NTN1: variants seen among roughly 807,000 people sequenced by gnomAD.
The protein encoded by NTN1 is netrin-1.
NTN1 carries 11 observed loss-of-function variants against 54.2 expected under a neutral mutation model. That is an observed-to-expected ratio of 0.20 (90% confidence interval 0.13 to 0.34). The LOEUF (loss-of-function observed/expected upper bound fraction) is 0.34. Ranked by LOEUF, NTN1 falls within the 10% of genes least tolerant of loss-of-function variation. NTN1 has a pLI of 1.00. For synonymous variants in NTN1, 371 were observed against 382.0 expected (o/e 0.97, Z 0.33); for missense variants, 740 against 893.1 (o/e 0.83, Z 2.18).
chr17:9,016,920 G>A (rs1340530005), upstream of NTN1, among the ~76,000 whole-genome samples: 1 of 152,094 alleles, frequency 6.6e-6, no homozygotes, highest in Non-Finnish European at 1.5e-5. Context: ...ACTTCAATAG[G>A]CCCTTTAATT....
At chr17:9,195,826 G>T (rs1292706152) in intron 5 of NTN1, among the ~76,000 whole-genome samples, 1 of 152,168 alleles carries the variant, frequency 6.6e-6, no homozygotes, top group Non-Finnish European at 1.5e-5. Context: ...GACCCACAGT[G>T]GTCCCTCTAA....
intron 2 of NTN1, among the ~76,000 whole-genome samples, chr17:9,030,169 T>G (rs1310353969): frequency 6.6e-6 from 1 of 152,112 alleles, no homozygotes; most frequent in East Asian, 1.9e-4. Context: ...CAGACCCTTT[T>G]CTTTTTCTCC....
chr17:9,066,931 G>C (rs538035074), intron 2 of NTN1, among the ~76,000 whole-genome samples: 20 of 150,566 alleles, frequency 1.3e-4, no homozygotes, highest in Admixed American at 1.3e-3. Context: ...AACCCAGGAG[G>C]TGGAGGTTGC....
chr17:9,091,451 C>T (rs867845062), intron 2 of NTN1, among the ~76,000 whole-genome samples: 13 of 123,070 alleles, frequency 1.1e-4, no homozygotes, highest in Middle Eastern at 4.4e-3. Flanking sequence ...TTTAACCCCC[C>T]GCCTTTTTTT....
At chr17:9,137,743 G>A (rs537192227) in intron 2 of NTN1, among the ~76,000 whole-genome samples, 11 of 151,992 alleles carry the variant, frequency 7.2e-5, no homozygotes, top group Middle Eastern at 3.4e-3. Context: ...TCAGTGAGCC[G>A]AGATCGCGCC....
chr17:9,036,061 A>C (rs866226539), intron 2 of NTN1, among the ~76,000 whole-genome samples: 1 of 152,076 alleles, frequency 6.6e-6, no homozygotes. Flanking sequence ...GGGTCTCACT[A>C]TGTTACCCAG....
rs2092414071 is a variant in NTN1 at position 9,180,039 on chromosome 17, A to T, written c.1357+83A>T. 4.8e-6 allele frequency: 7 copies of T among 1,460,710 alleles called. No individual in the cohort carries two copies. The East Asian group carries it at 1.7e-4, about 36-fold the overall frequency. 90.5% of individuals were successfully genotyped at this position (1,460,710 alleles called of 1,614,324 possible). A position where few individuals can be genotyped will look rare whatever the true frequency, so the allele number is the denominator to read the frequency against. ...TTGAGGATGCTAGTCACTGATGTTC[A>T]GTGGGTTCCTTTTTTGGTTGGTTGA... On this transcript the variant is annotated intron_variant, in intron 4 of 6. Coordinates refer to ENST00000173229, the MANE Select transcript of NTN1 (RefSeq NM_004822.3).
At chr17:9,238,708 A>G (rs1003969803) in intron 6 of NTN1, among the ~76,000 whole-genome samples, 2 of 152,218 alleles carry the variant, frequency 1.3e-5, no homozygotes, top group African/African-American at 2.4e-5. Flanking sequence ...GTATTTCACA[A>G]ACTTACTAGA....
At chr17:9,182,195 T>C (rs1036936615) in intron 4 of NTN1, among the ~76,000 whole-genome samples, 2 of 149,602 alleles carry the variant, frequency 1.3e-5, no homozygotes, top group African/African-American at 4.9e-5. Flanking sequence ...GCCAGGCTGG[T>C]TGCAAACTCC....
chr17:9,147,626 T>C (rs1174407722), intron 2 of NTN1, among the ~76,000 whole-genome samples: 4 of 152,098 alleles, frequency 2.6e-5, no homozygotes, highest in Admixed American at 6.6e-5. Flanking sequence ...TCTCGATCAG[T>C]CTAGTTCCAC....
intron 2 of NTN1, among the ~76,000 whole-genome samples, chr17:9,067,233 C>T (rs951287101): frequency 6.7e-6 from 1 of 149,974 alleles, no homozygotes; most frequent in South Asian, 2.1e-4. Flanking sequence ...TGCCACTGTA[C>T]TCCAGCCTGG....
At chr17:9,164,626 C>T (rs1372907187) in intron 3 of NTN1, among the ~76,000 whole-genome samples, 1 of 152,116 alleles carries the variant, frequency 6.6e-6, no homozygotes, top group African/African-American at 2.4e-5. Context: ...AAACAGGTTC[C>T]CAATCTGTCT....
In NTN1 at chr17:9,193,937, A is replaced by C. The variant is rs868841268; in HGVS notation, c.1411+10968A>C. Reference sequence around the variant, plus strand: ...ACTCCGACTAAAAAAAAAAAAAAAAAAAAAAAACATTATGCAGGTTGGGCG... The same window carrying C: ...ACTCCGACTAAAAAAAAAAAAAAAACAAAAAAACATTATGCAGGTTGGGCG... On this transcript the variant is annotated intron_variant, in intron 5 of 6. Coordinates refer to ENST00000173229, the MANE Select transcript of NTN1 (RefSeq NM_004822.3). Among the ~76,000 whole-genome samples the C allele has an allele frequency of 3.5e-3, 484 of 139,220 alleles. 4 individuals are homozygous for C. Among genetic ancestry groups the C allele is most frequent in the African/African-American group, 0.013 (472 of 36,460 alleles). 91.3% of individuals were successfully genotyped at this position (139,220 alleles called of 152,430 possible).
chr17:9,179,238 C>G (rs1008750499), intron 3 of NTN1: 1 of 152,604 alleles, frequency 6.6e-6, no homozygotes, highest in Non-Finnish European at 1.5e-5. Context: ...CAGAAGGCTG[C>G]CTGGCTGCAA....
At chr17:9,086,199 C>T (rs1297072803) in intron 2 of NTN1, among the ~76,000 whole-genome samples, 1 of 151,864 alleles carries the variant, frequency 6.6e-6, no homozygotes, top group Non-Finnish European at 1.5e-5. Flanking sequence ...ATGGTGTCTT[C>T]AAAAATAAAA....
intron 2 of NTN1, among the ~76,000 whole-genome samples, chr17:9,094,988 CAAAAAAAAAA>C (rs71135941): frequency 2.0e-5 from 2 of 99,922 alleles, no homozygotes; most frequent in Non-Finnish European, 4.0e-5. Context: ...GACTCCGTCT[CAAAAAAAAAA>C]AAAAAAAAAA....
rs529880876 is a variant in NTN1, at chr17:9,178,483, G to A, written c.1208-1324G>A. On this transcript the variant is annotated intron_variant, in intron 3 of 6. Coordinates refer to ENST00000173229, the MANE Select transcript of NTN1 (RefSeq NM_004822.3). ...CCTCCTCTTCCTAATTCTCCTCATT[G>A]GCCACTCCTGGGCCCGAGGCCGGCT... 5.9e-4 allele frequency among the ~76,000 whole-genome samples: 90 copies of A among 152,224 alleles called. No homozygotes were observed. In the South Asian group the frequency reaches 8.1e-3, roughly 14 times the overall value.
chr17:9,056,363 C>T (rs4063993), intron 2 of NTN1, among the ~76,000 whole-genome samples: 41,763 of 152,006 alleles, frequency 0.27, 5,962 homozygotes, highest in South Asian at 0.43. Context: ...GGCTGAGTGC[C>T]GCCATCTTGA....
chr17:9,129,987 C>T (rs2092259413), intron 2 of NTN1, among the ~76,000 whole-genome samples: 1 of 152,134 alleles, frequency 6.6e-6, no homozygotes. Context: ...AGGAAGGGGC[C>T]TTATCTGTGA....
Sources: gnomAD v4.1 joint callset for allele counts (sites outside exome capture counted in the v4.1 genomes callset) on GRCh38, gnomAD v4.1.1 for gene constraint, MANE v1.5 for transcripts, NCBI Gene and HGNC (gene_info 2026-07-23, HGNC 2026-07-21) for gene names.